APAF1: variants seen among roughly 807,000 people sequenced by gnomAD.
APAF1 encodes the protein apoptotic protease-activating factor 1.
APAF1 carries 91 observed loss-of-function variants against 152.4 expected under a neutral mutation model. The observed-to-expected ratio is 0.60, with a 90% CI of 0.50 to 0.71. The LOEUF is 0.71. Among genes scored for constraint, APAF1 ranks in the 30% least tolerant of loss-of-function variants. The pLI is 0.00. For synonymous variants in APAF1, 484 were observed against 494.1 expected, an observed-to-expected ratio of 0.98 and a Z score of 0.27; for missense variants, 1,283 against 1,472.0, an observed-to-expected ratio of 0.87 and a Z score of 2.10.
chr12:98,652,367 G>A (rs1270035650), intron 4 of APAF1, among the ~76,000 whole-genome samples: 6 of 152,162 alleles, frequency 3.9e-5, no homozygotes, highest in Admixed American at 3.3e-4. Context: ...GTGACGGTTG[G>A]TATGATCCAG....
At chr12:98,667,759 CA>C in intron 10 of APAF1, 115 bp downstream of exon 10, 1 of 652,222 alleles carries the variant, frequency 1.5e-6, no homozygotes. Context: ...TATTGCTTTC[CA>C]TTTGATTTTT....
At chr12:98,680,037 C>T (rs2097690686) in intron 13 of APAF1, among the ~76,000 whole-genome samples, 2 of 152,246 alleles carry the variant, frequency 1.3e-5, no homozygotes, top group Admixed American at 1.3e-4. Context: ...AGAAAATCAA[C>T]ACCCCAAAGA....
chr12:98,665,542 T>G lies in APAF1; in HGVS notation c.956-11T>G. On this transcript the variant is annotated splice_polypyrimidine_tract_variant and intron_variant, in intron 7 of 26. Coordinates refer to ENST00000551964, the MANE Select transcript of APAF1 (RefSeq NM_181861.2). ...TGGTATTAGCATAGTGACTTCATTT[T>G]TTTTTTAAAGGCTCTCCCCTTGTAG... 1 of 1,592,124 alleles carries G rather than the reference T, an allele frequency of 6.3e-7. No individual in the cohort carries two copies. Among genetic ancestry groups the G allele is most frequent in the Admixed American group, 1.7e-5 (1 of 59,974 alleles).
At chr12:98,650,205 T>C (rs1242381022) in intron 4 of APAF1, among the ~76,000 whole-genome samples, 1 of 152,128 alleles carries the variant, frequency 6.6e-6, no homozygotes, top group Non-Finnish European at 1.5e-5. Flanking sequence ...TAATAATTTT[T>C]TTTTTAGTAG....
intron 13 of APAF1, among the ~76,000 whole-genome samples, 198 bp from the exon 14 acceptor site, chr12:98,680,079 A>G (rs924841474): frequency 6.6e-6 from 1 of 152,236 alleles, no homozygotes; most frequent in Non-Finnish European, 1.5e-5. Context: ...ATTTACAAAC[A>G]TGTAACAGTG....
chr12:98,694,641 C>G (rs1167588363), intron 16 of APAF1, among the ~76,000 whole-genome samples: 1 of 151,872 alleles, frequency 6.6e-6, no homozygotes, highest in Non-Finnish European at 1.5e-5. Context: ...TATCTTTTAT[C>G]TTTTTATGGG....
intron 4 of APAF1, among the ~76,000 whole-genome samples, chr12:98,652,557 T>C (rs1354246807): frequency 6.6e-6 from 1 of 152,050 alleles, no homozygotes; most frequent in Non-Finnish European, 1.5e-5. Flanking sequence ...TTTTTTTTTC[T>C]TTTTGCTTTT....
chr12:98,716,413 C>CT (rs1368327397), intron 22 of APAF1, among the ~76,000 whole-genome samples: 1 of 152,208 alleles, frequency 6.6e-6, no homozygotes, highest in Non-Finnish European at 1.5e-5. Context: ...ACTAAGGGTA[C>CT]TGTGAATGCA....
In APAF1 at chr12:98,728,696, C is replaced by G. The variant is rs939233714; in HGVS notation, c.3600+1380C>G. Among the ~76,000 whole-genome samples the G allele has an allele frequency of 4.6e-5, 7 of 152,286 alleles. No homozygotes were observed. The East Asian group carries it at 1.3e-3, about 29-fold the overall frequency. ...TAAGGTCACACCACTGTACTCCAGC[C>G]TGGGCAACAGAGCGAGACTATCTCA... On this transcript the variant is annotated intron_variant, in intron 26 of 26. Coordinates refer to ENST00000551964, the MANE Select transcript of APAF1 (RefSeq NM_181861.2).
chr12:98,686,334 T>C (rs946691581), intron 15 of APAF1, among the ~76,000 whole-genome samples: 1 of 152,232 alleles, frequency 6.6e-6, no homozygotes, highest in African/African-American at 2.4e-5. Flanking sequence ...GAGGTGGTAC[T>C]TGACTTGCTC....
rs1035174432 is a variant in APAF1, at chr12:98,645,395, T to C, written c.-482T>C. 3 of 152,124 alleles carry C rather than the reference T, an allele frequency of 2.0e-5. No individual in the cohort carries two copies. Among genetic ancestry groups the C allele is most frequent in the Non-Finnish European group, 4.4e-5 (3 of 68,052 alleles). The allele number at this position is 152,124 out of a possible 1,614,324, so 9.4% of individuals were successfully genotyped here. A position where few individuals can be genotyped will look rare whatever the true frequency, so the allele number is the denominator to read the frequency against. On this transcript the variant is annotated 5_prime_UTR_variant, in exon 1 of 27. Transcript: ENST00000551964. ...TGGGCAGTCGGCGACCCGCGAAGAC[T>C]TGAGGTGCCGCAGCGGCATCCGGAG...
At chr12:98,662,939 G>T in intron 7 of APAF1, 133 bp downstream of exon 7, 1 of 712,266 alleles carries the variant, frequency 1.4e-6, no homozygotes, top group Middle Eastern at 4.1e-4. Flanking sequence ...AGTATTTTAG[G>T]TTCTCTGATA....
chr12:98,665,876 T>C (rs1013495023), intron 8 of APAF1, 85 bp downstream of exon 8: 2 of 1,239,968 alleles, frequency 1.6e-6, no homozygotes, highest in Admixed American at 3.4e-5. Context: ...ACAGAGAACC[T>C]TGGAAGGATA....
At chr12:98,732,058 G>C (rs1593140966) in intron 26 of APAF1, among the ~76,000 whole-genome samples, 1 of 152,324 alleles carries the variant, frequency 6.6e-6, no homozygotes, top group Middle Eastern at 3.4e-3. Flanking sequence ...TGAGTGAAGA[G>C]AGGGGGAATC....
intron 20 of APAF1, among the ~76,000 whole-genome samples, chr12:98,710,179 G>GTTTTTTTTTT (rs71443529): frequency 5.5e-5 from 7 of 127,734 alleles, no homozygotes; most frequent in Non-Finnish European, 9.8e-5. Context: ...CGGCCTAAGG[G>GTTTTTTTTTT]TTTTTTTTTT....
intron 4 of APAF1, among the ~76,000 whole-genome samples, chr12:98,654,569 G>A (rs1471307961): frequency 2.0e-5 from 3 of 151,998 alleles, no homozygotes; most frequent in East Asian, 1.9e-4. Context: ...CACCACACCC[G>A]GCTAATTTTT....
intron 26 of APAF1, 55 bp from the exon 27 acceptor site, chr12:98,732,365 A>G: frequency 1.3e-6 from 2 of 1,521,168 alleles, no homozygotes; most frequent in South Asian, 1.1e-5. Context: ...GGCACTATAA[A>G]TTGTCACACA....
Position 98,683,287 on chromosome 12 carries a change from A to G in APAF1, c.2178+13A>G. ...CTGCTTCCTCAAAGTAAGTGTGGAT[A>G]TTGAGAATTAGGTAGATAAATTTGA... On this transcript the variant is annotated intron_variant, in intron 15 of 26. Coordinates refer to ENST00000551964, the MANE Select transcript of APAF1 (RefSeq NM_181861.2). 1 of 1,613,202 alleles carries G rather than the reference A, an allele frequency of 6.2e-7. No homozygotes were observed. The highest frequency in any genetic ancestry group is 8.5e-7 in the Non-Finnish European group (1 of 1,179,568).
At chr12:98,726,147 G>A (rs2097750258) in intron 25 of APAF1, among the ~76,000 whole-genome samples, 1 of 152,090 alleles carries the variant, frequency 6.6e-6, no homozygotes, top group South Asian at 2.1e-4. Context: ...TACAAACCAT[G>A]CCAATTTTAT....
Sources: gnomAD v4.1 joint callset for allele counts (sites outside exome capture counted in the v4.1 genomes callset) on GRCh38, gnomAD v4.1.1 for gene constraint, MANE v1.5 for transcripts, NCBI Gene and HGNC (gene_info 2026-07-23, HGNC 2026-07-21) for gene names.